AGK: variants seen among roughly 807,000 people sequenced by gnomAD.
AGK encodes acylglycerol kinase.
A neutral mutation model predicts 66.4 loss-of-function variants in AGK; 52 were observed. That is an observed-to-expected ratio of 0.78 (90% CI 0.63 to 0.99). The LOEUF (loss-of-function observed/expected upper bound fraction) is 0.99, where lower values mean the gene tolerates loss of function less well. AGK is among the 50% of genes least tolerant of loss of function. The pLI is 0.00. For missense variants in AGK, 451 were observed against 506.6 expected (o/e 0.89, Z 1.05); for synonymous variants, 182 against 181.1 (o/e 1.00, Z -0.04).
intron 9 of AGK, among the ~76,000 whole-genome samples, chr7:141,623,183 C>T (rs773193124): frequency 2.6e-5 from 4 of 151,760 alleles, no homozygotes; most frequent in East Asian, 1.9e-4. Context: ...AGTTTGAGAC[C>T]GGCCTGACCA....
Position 141,555,333 on chromosome 7 carries a change from A to T in AGK, c.-14-120A>T. On this transcript the variant is annotated intron_variant, in intron 1 of 15. Transcript: ENST00000649286. The surrounding 1 kb of genome is among the most constrained non-coding windows in gnomAD (Gnocchi z 4.2). ...AGGAGAAGTGGTAAGGAGGAAGAGG[A>T]GTGAGTGGGAAAAAAAGGAGTGAGA... The T allele has an allele frequency of 1.6e-6, 1 of 612,422 alleles. No individual in the cohort carries two copies. Among genetic ancestry groups the T allele is most frequent in the Non-Finnish European group, 2.8e-6 (1 of 360,774 alleles). 37.9% of individuals were successfully genotyped at this position (612,422 alleles called of 1,614,324 possible). A position where few individuals can be genotyped will look rare whatever the true frequency, so the allele number is the denominator to read the frequency against.
intron 5 of AGK, among the ~76,000 whole-genome samples, chr7:141,603,710 G>C (rs1189033979): frequency 6.6e-6 from 1 of 152,100 alleles, no homozygotes; most frequent in Non-Finnish European, 1.5e-5. Context: ...TGGGCTCATA[G>C]TGGCATGGCT....
At chr7:141,573,946 C>CT (rs202205979) in intron 2 of AGK, among the ~76,000 whole-genome samples, 26 of 150,938 alleles carry the variant, frequency 1.7e-4, no homozygotes, top group East Asian at 9.7e-4. Flanking sequence ...ATTTACTCTC[C>CT]TTTTTTTTTA....
intron 13 of AGK, 131 bp from the exon 14 acceptor site, chr7:141,649,132 T>A: frequency 2.3e-6 from 1 of 443,160 alleles, no homozygotes; most frequent in Non-Finnish European, 4.0e-6. Flanking sequence ...AGGTTTGGAA[T>A]TAAATCACTA....
chr7:141,614,569 A>G (rs1048783358), intron 7 of AGK, among the ~76,000 whole-genome samples: 1 of 145,758 alleles, frequency 6.9e-6, no homozygotes, highest in Non-Finnish European at 1.5e-5. Flanking sequence ...TAAAAAAAAA[A>G]GCAGGTTGCC....
At chr7:141,600,848 C>G (rs909266797) in intron 4 of AGK, among the ~76,000 whole-genome samples, 9 of 152,150 alleles carry the variant, frequency 5.9e-5, no homozygotes, top group African/African-American at 1.7e-4. Context: ...GTGTCTATCA[C>G]ACAGTAGGTG....
chr7:141,619,949 A>C (rs920936891), intron 8 of AGK, among the ~76,000 whole-genome samples: 1 of 152,236 alleles, frequency 6.6e-6, no homozygotes. Flanking sequence ...AATGTCCATC[A>C]ACTGATGAAT....
intron 1 of AGK, among the ~76,000 whole-genome samples, chr7:141,554,742 T>C (rs1310902582): frequency 2.0e-5 from 3 of 152,260 alleles, no homozygotes; most frequent in African/African-American, 7.2e-5. Flanking sequence ...AGTGTCACTC[T>C]GTTTTTTAGT....
At chr7:141,556,937 T>C (rs1795221663) in intron 2 of AGK, among the ~76,000 whole-genome samples, 1 of 152,226 alleles carries the variant, frequency 6.6e-6, no homozygotes, top group African/African-American at 2.4e-5. Flanking sequence ...TTTAATATGG[T>C]AATAAGATTT....
At position 141,596,621 on chromosome 7, in the gene AGK, C is replaced by T; in HGVS notation, c.201C>T (p.Leu67=). The T allele has an allele frequency of 1.2e-6, 2 of 1,613,998 alleles. No individual in the cohort carries two copies. The highest frequency in any genetic ancestry group is 1.7e-4 in the Middle Eastern group (1 of 6,060). Residue 67 remains leucine (L), a synonymous_variant, in exon 4 of 16, where the codon CTC becomes CTT. Coordinates refer to ENST00000649286, the MANE Select transcript of AGK (RefSeq NM_018238.4). ...NAQVKKATVF[L]NPAACKGKAR... Reference sequence around the variant, plus strand: ...AAGTGAAGAAGGCCACTGTTTTTCTCAATCCTGCAGCTTGCAAAGGGTAGT... The same window carrying T: ...AAGTGAAGAAGGCCACTGTTTTTCTTAATCCTGCAGCTTGCAAAGGGTAGT...
chr7:141,648,588 T>C (rs934665634), intron 13 of AGK, among the ~76,000 whole-genome samples: 1 of 152,130 alleles, frequency 6.6e-6, no homozygotes, highest in Non-Finnish European at 1.5e-5. Flanking sequence ...GACATAGAAG[T>C]TGTGGGATTG....
chr7:141,630,117 A>G (rs1449239065), intron 9 of AGK, among the ~76,000 whole-genome samples: 1 of 152,244 alleles, frequency 6.6e-6, no homozygotes, highest in Non-Finnish European at 1.5e-5. Context: ...CAGCAGCAGC[A>G]TCATCATCCT....
At position 141,593,189 on chromosome 7, in the gene AGK, A is replaced by G. The variant is rs1212818321; in HGVS notation, c.141+4A>G. The G allele has an allele frequency of 6.2e-7, 1 of 1,611,870 alleles. No homozygotes were observed. Among genetic ancestry groups the G allele is most frequent in the East Asian group, 2.2e-5 (1 of 44,872 alleles). On this transcript the variant is annotated splice_donor_region_variant and intron_variant, in intron 3 of 15. Transcript: ENST00000649286. Reference sequence around the variant, plus strand: ...AGCAGCCTGTCAAGAAGCTCAGGTAATACTACTTAATGTGATAAAATTAAG... The same window carrying G: ...AGCAGCCTGTCAAGAAGCTCAGGTAGTACTACTTAATGTGATAAAATTAAG...
At chr7:141,628,674 G>C (rs548755155) in intron 9 of AGK, among the ~76,000 whole-genome samples, 1 of 152,126 alleles carries the variant, frequency 6.6e-6, no homozygotes, top group Non-Finnish European at 1.5e-5. Context: ...GGTGAGATTC[G>C]TATCCTCATT....
rs1344457914 is a variant in AGK, at chr7:141,614,275, A to G, written c.423+97A>G. On this transcript the variant is annotated intron_variant, in intron 7 of 15. Coordinates refer to ENST00000649286, the MANE Select transcript of AGK (RefSeq NM_018238.4). ...CTTTTTTTTTCCATTGTATATTTTA[A>G]AACGGGTACAAATTGTGCTTTCTTG... The G allele has an allele frequency of 8.0e-5, 70 of 878,010 alleles. No homozygotes were observed. In the Admixed American group the frequency reaches 2.1e-3, roughly 26 times the overall value. 54.4% of individuals were successfully genotyped at this position (878,010 alleles called of 1,614,324 possible). A position where few individuals can be genotyped will look rare whatever the true frequency, so the allele number is the denominator to read the frequency against.
At chr7:141,629,546 G>A (rs922475272) in intron 9 of AGK, among the ~76,000 whole-genome samples, 54 of 152,072 alleles carry the variant, frequency 3.6e-4, no homozygotes, top group Admixed American at 3.5e-3. Context: ...TACCCCAACA[G>A]GGACTAGTCT....
intron 3 of AGK, chr7:141,593,857 G>A (rs1796174115): frequency 6.5e-6 from 1 of 153,966 alleles, no homozygotes; most frequent in South Asian, 2.0e-4. Context: ...ATAGAAACAT[G>A]AAAATCAAAA....
intron 2 of AGK, among the ~76,000 whole-genome samples, chr7:141,562,968 C>G (rs905841535): frequency 6.6e-6 from 1 of 152,208 alleles, no homozygotes; most frequent in African/African-American, 2.4e-5. Flanking sequence ...TGTTCCAGCT[C>G]TAGGTAAGGT....
intron 9 of AGK, among the ~76,000 whole-genome samples, chr7:141,626,366 T>G (rs1448148037): frequency 2.0e-5 from 3 of 152,230 alleles, no homozygotes. Flanking sequence ...ACCTGCGTAA[T>G]AATTGATTCA....
Sources: gnomAD v4.1 joint callset for allele counts (sites outside exome capture counted in the v4.1 genomes callset) on GRCh38, gnomAD v4.1.1 for gene constraint, Gnocchi (gnomAD v3.1) non-coding constraint, MANE v1.5 for transcripts, NCBI Gene and HGNC (gene_info 2026-07-23, HGNC 2026-07-21) for gene names.